The following MS4A10 variants were observed in gnomAD, a reference collection of about 807,000 sequenced individuals.
MS4A10 encodes the protein membrane spanning 4-domains A10.
A neutral mutation model predicts 27.7 loss-of-function variants in MS4A10; 27 were observed. The ratio of observed to expected loss-of-function variants is 0.98; its 90% CI spans 0.72 to 1.35. The LOEUF is 1.35. Among genes scored for constraint, MS4A10 ranks in the 40% most tolerant of loss-of-function variants. MS4A10 has a pLI of 0.00. For synonymous variants in MS4A10, 139 were observed against 131.2 expected, an observed-to-expected ratio of 1.06 and a Z score of -0.41; for missense variants, 338 against 324.7, an observed-to-expected ratio of 1.04 and a Z score of -0.32.
intron 1 of MS4A10, among the ~76,000 whole-genome samples, chr11:60,787,211 G>A (rs969196316): frequency 8.5e-5 from 13 of 152,180 alleles, no homozygotes; most frequent in African/African-American, 2.7e-4. Context: ...AGCTGGCTGA[G>A]GGGGCTGGGG....
At chr11:60,792,072 G>T (rs1227015348) in intron 3 of MS4A10, among the ~76,000 whole-genome samples, 193 bp from the exon 4 acceptor site, 3 of 152,110 alleles carry the variant, frequency 2.0e-5, no homozygotes. Context: ...CACATGGGAA[G>T]ATGTGAGGTG....
chr11:60,786,965 A>T (rs369425847), intron 1 of MS4A10, among the ~76,000 whole-genome samples: 1 of 152,184 alleles, frequency 6.6e-6, no homozygotes, highest in East Asian at 1.9e-4. Flanking sequence ...TGCACGGAGC[A>T]CCCATTCTAG....
chr11:60,789,647 C>A (rs567448434), intron 1 of MS4A10, among the ~76,000 whole-genome samples: 5 of 152,324 alleles, frequency 3.3e-5, no homozygotes, highest in South Asian at 2.1e-4. Context: ...AGTGGCTTAA[C>A]CTTTCTGAGC....
At position 60,798,528 on chromosome 11, in the gene MS4A10, G is replaced by A. The variant is rs1454367960; in HGVS notation, c.722+14G>A. 1.9e-6 allele frequency: 3 copies of A among 1,605,588 alleles called. No homozygotes were observed. Among genetic ancestry groups the A allele is most frequent in the Middle Eastern group, 1.7e-4 (1 of 5,906 alleles). On this transcript the variant is annotated intron_variant, in intron 7 of 7. Transcript: ENST00000308287. ...GCAACATCAGAGGTGAAGAGGTTTG[G>A]CCCTGGCTCCCCAGACCTTCAGAAC...
Position 60,785,643 on chromosome 11 carries a change from G to A in MS4A10, c.-23+222G>A, listed in dbSNP as rs11230474. Among the ~76,000 whole-genome samples, 88 of 152,276 alleles carry A rather than the reference G, an allele frequency of 5.8e-4. No individual in the cohort carries two copies. The East Asian group carries it at 0.016, about 28-fold the overall frequency. ...CCTTTAGCAATGAACAATTATACCA[G>A]CTGGAGAATGGGTGGCCCACCCAGC... On this transcript the variant is annotated intron_variant, in intron 1 of 7. Coordinates refer to ENST00000308287, the MANE Select transcript of MS4A10 (RefSeq NM_206893.4).
chr11:60,800,088 A>C lies in MS4A10; in HGVS notation c.*179A>C. ...TGTCCTCTCAGATAAGCCATTTCTT[A>C]CATAGTTGATGGCTCGATATCTGTG... On this transcript the variant is annotated 3_prime_UTR_variant, in exon 8 of 8. Coordinates refer to ENST00000308287, the MANE Select transcript of MS4A10 (RefSeq NM_206893.4). 1 of 835,052 alleles carries C rather than the reference A, an allele frequency of 1.2e-6. No homozygotes were observed. The highest frequency in any genetic ancestry group is 1.7e-5 in the African/African-American group (1 of 59,202). 51.7% of individuals were successfully genotyped at this position (835,052 alleles called of 1,614,324 possible). A position where few individuals can be genotyped will look rare whatever the true frequency, so the allele number is the denominator to read the frequency against.
chr11:60,800,146 G>GT lies in MS4A10; in HGVS notation c.*241dup, dbSNP rs1854608839. 1 of 579,096 alleles carries GT rather than the reference G, an allele frequency of 1.7e-6. No homozygotes were observed. Among genetic ancestry groups the GT allele is most frequent in the Admixed American group, 3.2e-5 (1 of 31,314 alleles). 35.9% of individuals were successfully genotyped at this position (579,096 alleles called of 1,614,324 possible). ...AGATTGTTTTGTTTTGTTTCGCTTT[G>GT]TTTTGTTTTCTTTTGTTTTGTTGAG... On this transcript the variant is annotated 3_prime_UTR_variant, in exon 8 of 8. Coordinates refer to ENST00000308287, the MANE Select transcript of MS4A10 (RefSeq NM_206893.4).
intron 2 of MS4A10, 26 bp downstream of exon 2, chr11:60,790,544 A>T: frequency 6.2e-7 from 1 of 1,612,940 alleles, no homozygotes; most frequent in South Asian, 1.1e-5. Context: ...CCAGGGTCCC[A>T]GCAGTGGGAG....
Position 60,790,358 on chromosome 11 carries a change from T to C in MS4A10, c.23T>C (p.Ile8Thr), listed in dbSNP as rs780589966. The change falls in exon 2 of 8, where the codon ATT (isoleucine) becomes ACT (threonine). Residue 8 changes from isoleucine (I) to threonine (T), a missense_variant. Physicochemically the swap from Ile to Thr is moderately conservative, Grantham distance 89. Coordinates refer to ENST00000308287, the MANE Select transcript of MS4A10 (RefSeq NM_206893.4). Reference sequence around the variant, plus strand: ...TCAATGAAAGCAGAAGCCACAGTTATTCCCAGCCGTTGTGCTAGGGGGCTC... The same window carrying C: ...TCAATGAAAGCAGAAGCCACAGTTACTCCCAGCCGTTGTGCTAGGGGGCTC... The part of the protein sequence containing the change: MKAEATV[I>T]PSRCARGLPS... The C allele has an allele frequency of 6.2e-7, 1 of 1,614,030 alleles. No individual in the cohort carries two copies. Among genetic ancestry groups the C allele is most frequent in the Non-Finnish European group, 8.5e-7 (1 of 1,179,944 alleles).
rs371578152 is a variant in MS4A10, at chr11:60,790,442, C to T, written c.107C>T (p.Thr36Met). The T allele has an allele frequency of 6.8e-5, 109 of 1,614,062 alleles. No individual in the cohort carries two copies. The East Asian group carries it at 9.4e-4, about 14-fold the overall frequency. The part of the protein sequence containing the change: ...QPWQTSAPQN[T>M]TQPKLLAPHQ... ...TGGCAGACAAGTGCACCCCAGAACA[C>T]GACCCAGCCCAAGCTCCTGGCTCCA... The change falls in exon 2 of 8, where the codon ACG (threonine) becomes ATG (methionine). Residue 36 changes from threonine to methionine, a missense_variant. Physicochemically the swap from Thr to Met is moderately conservative, Grantham distance 81. Coordinates refer to ENST00000308287, the MANE Select transcript of MS4A10 (RefSeq NM_206893.4).
Position 60,794,061 on chromosome 11 carries a change from C to G in MS4A10, c.450C>G (p.Ser150Arg). ...TCTCCAAGGATCTCTTTCTGGAGAG[C>G]CCATTTGAGTCCCCGATCTGGAGAA... ...FVISKDLFLE[S>R]PFESPIWRMY... The change falls in exon 5 of 8, where the codon AGC becomes AGG. Residue 150 changes from serine (S) to arginine (R), a missense_variant. Ser to Arg is a moderately radical substitution (Grantham distance 110). Coordinates refer to ENST00000308287, the MANE Select transcript of MS4A10 (RefSeq NM_206893.4). 1 of 1,614,130 alleles carries G rather than the reference C, an allele frequency of 6.2e-7. No homozygotes were observed. The highest frequency in any genetic ancestry group is 8.5e-7 in the Non-Finnish European group (1 of 1,180,024).
chr11:60,790,356 TATTC>T lies in MS4A10; in HGVS notation c.22_25del (p.Ile8ProfsTer73), dbSNP rs1459653163. 4.3e-6 allele frequency: 7 copies of T among 1,614,022 alleles called. No individual in the cohort carries two copies. Among genetic ancestry groups the T allele is most frequent in the Non-Finnish European group, 5.9e-6 (7 of 1,179,972 alleles). ...CATCAATGAAAGCAGAAGCCACAGTTATTCCCAGCCGTTGTGCTAGGGGGCTCCC... is the reference window on the plus strand; with the variant it reads ...CATCAATGAAAGCAGAAGCCACAGTTCCAGCCGTTGTGCTAGGGGGCTCCC... On this transcript the variant is annotated frameshift_variant, in exon 2 of 8. Coordinates refer to ENST00000308287, the MANE Select transcript of MS4A10 (RefSeq NM_206893.4). LOFTEE classifies it high-confidence loss of function.
intron 4 of MS4A10, among the ~76,000 whole-genome samples, chr11:60,793,515 G>A (rs1854465510): frequency 2.0e-5 from 3 of 152,222 alleles, no homozygotes; most frequent in Admixed American, 2.0e-4. Flanking sequence ...GGAGAAAATG[G>A]GCTGGTACTG....
At chr11:60,790,722 G>A (rs758613397) in intron 2 of MS4A10, among the ~76,000 whole-genome samples, 8 of 152,192 alleles carry the variant, frequency 5.3e-5, no homozygotes, top group African/African-American at 1.4e-4. Flanking sequence ...TTTGGACAGG[G>A]CCCTGTCCTG....
rs552334587 is a variant in MS4A10 at position 60,790,282 on chromosome 11, G to A, written c.-22-32G>A. The A allele has an allele frequency of 4.5e-5, 71 of 1,576,870 alleles. No individual in the cohort carries two copies. The East Asian group carries it at 5.8e-4, about 13-fold the overall frequency. ...CAGGCACAAGCCTCAGAAATGAGACGGGTTCTGACGGCCTTCCTCCCCGTC... is the reference window on the plus strand; with the variant it reads ...CAGGCACAAGCCTCAGAAATGAGACAGGTTCTGACGGCCTTCCTCCCCGTC... On this transcript the variant is annotated intron_variant, in intron 1 of 7. Coordinates refer to ENST00000308287, the MANE Select transcript of MS4A10 (RefSeq NM_206893.4).
At position 60,791,014 on chromosome 11, in the gene MS4A10, G is replaced by A; in HGVS notation, c.224G>A (p.Gly75Glu). 2 of 1,614,116 alleles carry A rather than the reference G, an allele frequency of 1.2e-6. No homozygotes were observed. Among genetic ancestry groups the A allele is most frequent in the African/African-American group, 2.7e-5 (2 of 75,016 alleles). The change falls in exon 3 of 8, where the codon GGG becomes GAG. Residue 75 changes from glycine to glutamate, a missense_variant. By Grantham distance (98) the Gly-to-Glu change is moderately conservative (BLOSUM62 -2). Transcript: ENST00000308287. ...ATCGCTCTGCTGCACCTGGTCTTTG[G>A]GGGCTACCTGGCCTCTATAGTCAAG... ...ITIALLHLVF[G>E]GYLASIVKNL... is the part of the protein sequence containing the mutation.
chr11:60,797,331 A>G (rs4939458), intron 6 of MS4A10, among the ~76,000 whole-genome samples: 45,456 of 152,218 alleles, frequency 0.3, 7,648 homozygotes, highest in Middle Eastern at 0.39. Context: ...GTAGTAAATT[A>G]TCACAAATTT....
chr11:60,787,322 G>C (rs946551086), intron 1 of MS4A10, among the ~76,000 whole-genome samples: 1 of 152,192 alleles, frequency 6.6e-6, no homozygotes, highest in African/African-American at 2.4e-5. Flanking sequence ...GCCCTGCACA[G>C]GTCCTGGAAG....
chr11:60,790,792 G>A (rs565940176), intron 2 of MS4A10, among the ~76,000 whole-genome samples, 182 bp from the exon 3 acceptor site: 1 of 152,310 alleles, frequency 6.6e-6, no homozygotes, highest in Admixed American at 6.5e-5. Flanking sequence ...TGGGGCCCTT[G>A]GCAGCTTCAG....
Sources: gnomAD v4.1 joint callset for allele counts (sites outside exome capture counted in the v4.1 genomes callset) on GRCh38, gnomAD v4.1.1 for gene constraint, MANE v1.5 for transcripts, NCBI Gene and HGNC (gene_info 2026-07-23, HGNC 2026-07-21) for gene names.